Variants in LMX1A observed in about 807,000 individuals in gnomAD.
LMX1A encodes LIM homeobox transcription factor 1 alpha.
Under a neutral mutation model 49.1 loss-of-function variants are expected in LMX1A, and 15 were observed. The ratio of observed to expected loss-of-function variants is 0.31; its 90% CI spans 0.20 to 0.47. LMX1A has a LOEUF of 0.47. Among genes scored for constraint, LMX1A ranks in the 20% least tolerant of loss-of-function variants. LMX1A has a pLI of 1.00. For synonymous variants in LMX1A, 167 were observed against 185.7 expected (o/e 0.90, Z 0.82); for missense variants, 372 against 475.8 (o/e 0.78, Z 2.03).
intron 3 of LMX1A, among the ~76,000 whole-genome samples, chr1:165,349,656 G>A (rs572319897): frequency 2.6e-5 from 4 of 151,938 alleles, no homozygotes; most frequent in East Asian, 3.9e-4. Context: ...TATTCCTAAC[G>A]GCATCGCAGT....
At chr1:165,264,271 C>A (rs1480790597) in intron 3 of LMX1A, among the ~76,000 whole-genome samples, 2 of 152,056 alleles carry the variant, frequency 1.3e-5, no homozygotes, top group African/African-American at 4.8e-5. Flanking sequence ...GGCTCTGCTC[C>A]CCATACCCAG....
At chr1:165,332,673 C>T (rs752998515) in intron 3 of LMX1A, among the ~76,000 whole-genome samples, 1 of 152,200 alleles carries the variant, frequency 6.6e-6, no homozygotes, top group Non-Finnish European at 1.5e-5. Context: ...CAAGCAAACA[C>T]ATCCACCGTT....
At chr1:165,294,088 C>T (rs903293050) in intron 3 of LMX1A, among the ~76,000 whole-genome samples, 2 of 152,178 alleles carry the variant, frequency 1.3e-5, no homozygotes, top group Non-Finnish European at 2.9e-5. Flanking sequence ...ACACCTTGTG[C>T]AAGGTAACAC....
At chr1:165,318,997 T>TCA (rs1313919903) in intron 3 of LMX1A, among the ~76,000 whole-genome samples, 83 of 67,798 alleles carry the variant, frequency 1.2e-3, no homozygotes, top group African/African-American at 3.4e-3. Context: ...TCTCTCTCTC[T>TCA]CTCACACACA....
At chr1:165,299,410 CCAT>C (rs1391138824) in intron 3 of LMX1A, among the ~76,000 whole-genome samples, 1 of 152,208 alleles carries the variant, frequency 6.6e-6, no homozygotes, top group East Asian at 1.9e-4. Context: ...TAGACACTGG[CCAT>C]GGGGCCATGC....
chr1:165,320,436 G>T (rs1181429747), intron 3 of LMX1A, among the ~76,000 whole-genome samples: 1 of 152,228 alleles, frequency 6.6e-6, no homozygotes, highest in Non-Finnish European at 1.5e-5. Flanking sequence ...AAAATTAAGA[G>T]TCAGGATGTG....
intron 3 of LMX1A, among the ~76,000 whole-genome samples, chr1:165,342,523 T>C (rs1358001717): frequency 1.3e-5 from 2 of 152,016 alleles, no homozygotes; most frequent in Non-Finnish European, 2.9e-5. Context: ...AGAAGAGCTA[T>C]GCTATATGCT....
chr1:165,265,088 C>T lies in LMX1A; in HGVS notation c.264-15448G>A, dbSNP rs189005172. Among the ~76,000 whole-genome samples, 266 of 151,030 alleles carry T rather than the reference C, an allele frequency of 1.8e-3. 2 individuals carry two copies. The highest frequency in any genetic ancestry group is 5.7e-3 in the African/African-American group (233 of 41,164). ...GCATGGTGGCGGGCACCTGTAGTTC[C>T]GGCTACTCAGGAGGCTGAGGCAGGA... On this transcript the variant is annotated intron_variant, in intron 3 of 8. Transcript: ENST00000342310.
intron 3 of LMX1A, among the ~76,000 whole-genome samples, chr1:165,347,183 G>T (rs535955802): frequency 5.9e-5 from 9 of 152,270 alleles, no homozygotes; most frequent in African/African-American, 1.9e-4. Flanking sequence ...CCCTTCTAAG[G>T]GGGCACAAAG....
chr1:165,332,230 C>T (rs1333529585), intron 3 of LMX1A, among the ~76,000 whole-genome samples: 1 of 151,984 alleles, frequency 6.6e-6, no homozygotes, highest in Non-Finnish European at 1.5e-5. Flanking sequence ...AGAGAACAAA[C>T]AACAGAGTGC....
intron 7 of LMX1A, among the ~76,000 whole-genome samples, chr1:165,206,258 CA>C (rs1651075604): frequency 1.3e-5 from 2 of 152,064 alleles, no homozygotes; most frequent in Admixed American, 6.5e-5. Flanking sequence ...ATTATTTCAA[CA>C]AAGGTTTTGA....
intron 4 of LMX1A, among the ~76,000 whole-genome samples, chr1:165,238,478 T>C (rs1652530055): frequency 6.6e-6 from 1 of 152,230 alleles, no homozygotes; most frequent in African/African-American, 2.4e-5. Flanking sequence ...ACATTGTCTT[T>C]AGATCCTTCA....
At chr1:165,264,711 C>T (rs1653559508) in intron 3 of LMX1A, among the ~76,000 whole-genome samples, 1 of 152,084 alleles carries the variant, frequency 6.6e-6, no homozygotes, top group Admixed American at 6.5e-5. Flanking sequence ...AATCCCAGCA[C>T]TTTAGGAGGC....
intron 4 of LMX1A, among the ~76,000 whole-genome samples, chr1:165,216,672 TA>T (rs1261011828): frequency 6.6e-6 from 1 of 152,270 alleles, no homozygotes; most frequent in Non-Finnish European, 1.5e-5. Flanking sequence ...TTGACCCTTT[TA>T]CAGTCACTCC....
At chr1:165,210,063 A>G (rs1038170295) in intron 6 of LMX1A, among the ~76,000 whole-genome samples, 2 of 152,236 alleles carry the variant, frequency 1.3e-5, no homozygotes, top group Non-Finnish European at 2.9e-5. Context: ...TGATTGTTGT[A>G]GTGTAAGAGC....
At chr1:165,290,441 C>CGTGTGTGTGT (rs34305063) in intron 3 of LMX1A, among the ~76,000 whole-genome samples, 25 of 149,968 alleles carry the variant, frequency 1.7e-4, no homozygotes, top group African/African-American at 6.1e-4. Context: ...ACATTGCCTT[C>CGTGTGTGTGT]GTGTGTGTGT....
rs563810862 is a variant in LMX1A at position 165,354,076 on chromosome 1, T to C, written c.77-814A>G. Among the ~76,000 whole-genome samples, 5 of 152,252 alleles carry C rather than the reference T, an allele frequency of 3.3e-5. No individual in the cohort carries two copies. The South Asian group carries it at 8.3e-4, about 25-fold the overall frequency. ...CTTTGTGTTTTGTTCCTTTAGTTTG[T>C]GGGGGGCGGAGAGGTGGTTCAGGTG... On this transcript the variant is annotated intron_variant, in intron 2 of 8. Transcript: ENST00000342310.
At chr1:165,339,664 A>C (rs1216575319) in intron 3 of LMX1A, among the ~76,000 whole-genome samples, 1 of 152,130 alleles carries the variant, frequency 6.6e-6, no homozygotes, top group African/African-American at 2.4e-5. Context: ...TGGAAAGCAG[A>C]CCCACCTCTG....
At chr1:165,271,467 T>C (rs1653791263) in intron 3 of LMX1A, among the ~76,000 whole-genome samples, 1 of 152,232 alleles carries the variant, frequency 6.6e-6, no homozygotes, top group Non-Finnish European at 1.5e-5. Flanking sequence ...TTTAGTTTTG[T>C]GTTTGTTGCA....
Sources: allele counts gnomAD v4.1 joint callset (sites outside exome capture counted in the v4.1 genomes callset), GRCh38; gene constraint gnomAD v4.1.1; transcripts MANE v1.5; gene names NCBI Gene and HGNC (gene_info 2026-07-23, HGNC 2026-07-21).